PALM2AKAP2: variants seen among roughly 807,000 people sequenced by gnomAD.
PALM2AKAP2 encodes PALM2 and AKAP2 fusion.
A neutral mutation model predicts 71.5 loss-of-function variants in PALM2AKAP2; 37 were observed. The ratio of observed to expected loss-of-function variants is 0.52; its 90% CI spans 0.40 to 0.68. PALM2AKAP2 has a LOEUF of 0.68. PALM2AKAP2 is among the 30% of genes least tolerant of loss of function. The pLI, the probability that PALM2AKAP2 is intolerant of heterozygous loss-of-function variation, is 0.00. For synonymous variants in PALM2AKAP2, 468 were observed against 478.8 expected (o/e 0.98, Z 0.29); for missense variants, 1,224 against 1,191.8 (o/e 1.03, Z -0.40).
At chr9:109,767,558 T>A (rs1829173919) in intron 1 of PALM2AKAP2, among the ~76,000 whole-genome samples, 1 of 152,206 alleles carries the variant, frequency 6.6e-6, no homozygotes, top group Non-Finnish European at 1.5e-5. Context: ...TGTAAATACA[T>A]TACTTTGCAG....
At chr9:109,903,371 C>T (rs1353866734) in intron 3 of PALM2AKAP2, among the ~76,000 whole-genome samples, 1 of 152,002 alleles carries the variant, frequency 6.6e-6, no homozygotes, top group Admixed American at 6.6e-5. Flanking sequence ...TTTGGGGACA[C>T]TTACTGCAAC....
At chr9:109,995,937 T>A (rs1243036762) in intron 6 of PALM2AKAP2, among the ~76,000 whole-genome samples, 2 of 152,182 alleles carry the variant, frequency 1.3e-5, no homozygotes, top group Non-Finnish European at 2.9e-5. Context: ...ATACTGCAGG[T>A]CCCAGCTTCT....
rs372560725 is a variant in PALM2AKAP2, at chr9:110,140,803, T to C, written c.2569+2264T>C. On this transcript the variant is annotated intron_variant, in intron 2 of 3. Transcript: ENST00000374525. ...TCACCAACACCCTCCTTACCCTCCC[T>C]GGGCTCCAACACTACAGCAGGTACC... is the stretch of plus-strand genomic sequence containing the variant. 3.9e-5 allele frequency among the ~76,000 whole-genome samples: 6 copies of C among 152,284 alleles called. No homozygotes were observed. In the East Asian group the frequency reaches 1.2e-3, roughly 29 times the overall value.
chr9:109,766,670 AG>A (rs1489485575), intron 1 of PALM2AKAP2, among the ~76,000 whole-genome samples: 1 of 152,232 alleles, frequency 6.6e-6, no homozygotes, highest in Non-Finnish European at 1.5e-5. Context: ...CGGATTACAA[AG>A]ACTCTGATGT....
intron 1 of PALM2AKAP2, among the ~76,000 whole-genome samples, chr9:110,122,467 A>G (rs1370879001): frequency 6.6e-6 from 1 of 152,086 alleles, no homozygotes; most frequent in Non-Finnish European, 1.5e-5. Context: ...TCTGTTCCTA[A>G]CCAGCGGGAT....
chr9:109,742,383 C>A (rs967986684), intron 1 of PALM2AKAP2, among the ~76,000 whole-genome samples: 6 of 151,936 alleles, frequency 3.9e-5, no homozygotes, highest in Non-Finnish European at 2.9e-5. Flanking sequence ...AAAAGCCAAG[C>A]CTCAGAAGAA....
chr9:109,790,509 G>A (rs1274999255), intron 1 of PALM2AKAP2, among the ~76,000 whole-genome samples: 1 of 152,150 alleles, frequency 6.6e-6, no homozygotes, highest in African/African-American at 2.4e-5. Flanking sequence ...TTCTTTGTCT[G>A]TGTTTGAGTG....
chr9:109,730,090 G>A (rs1322272), intron 1 of PALM2AKAP2, among the ~76,000 whole-genome samples: 40,890 of 152,046 alleles, frequency 0.27, 5,793 homozygotes, highest in East Asian at 0.37. Flanking sequence ...TTTGGAACTG[G>A]GTGTTCAAGA....
At chr9:109,952,131 AGCTC>A (rs1318103008) in intron 6 of PALM2AKAP2, among the ~76,000 whole-genome samples, 3 of 152,236 alleles carry the variant, frequency 2.0e-5, no homozygotes, top group Non-Finnish European at 4.4e-5. Context: ...ACAACTACTC[AGCTC>A]TGCTGCAAAG....
intron 2 of PALM2AKAP2, among the ~76,000 whole-genome samples, chr9:109,872,556 C>T (rs1042485671): frequency 1.4e-4 from 22 of 152,098 alleles, no homozygotes; most frequent in African/African-American, 5.1e-4. Flanking sequence ...TATTCATGAG[C>T]GGGGAACCCT....
At chr9:109,689,371 T>C (rs1827849868) in intron 1 of PALM2AKAP2, among the ~76,000 whole-genome samples, 1 of 151,926 alleles carries the variant, frequency 6.6e-6, no homozygotes, top group African/African-American at 2.4e-5. Context: ...AGCTAATTTT[T>C]GTATTTCTGG....
intron 6 of PALM2AKAP2, among the ~76,000 whole-genome samples, chr9:109,981,807 A>G (rs1832276970): frequency 6.6e-6 from 1 of 152,188 alleles, no homozygotes; most frequent in African/African-American, 2.4e-5. Context: ...ACGCAATAAC[A>G]AATGCCGGCA....
chr9:109,756,292 A>G (rs190464796), intron 1 of PALM2AKAP2, among the ~76,000 whole-genome samples: 1 of 152,188 alleles, frequency 6.6e-6, no homozygotes, highest in Admixed American at 6.5e-5. Context: ...TGTGAAATGA[A>G]CATTTCTCTC....
intron 2 of PALM2AKAP2, among the ~76,000 whole-genome samples, chr9:110,139,611 T>C (rs1203127654): frequency 1.3e-5 from 2 of 151,936 alleles, no homozygotes; most frequent in Non-Finnish European, 2.9e-5. Flanking sequence ...TTGTTGACAC[T>C]TATCTTGGTC....
chr9:110,004,260 G>C (rs13288767), intron 6 of PALM2AKAP2, among the ~76,000 whole-genome samples: 3 of 152,064 alleles, frequency 2.0e-5, no homozygotes, highest in Non-Finnish European at 4.4e-5. Flanking sequence ...GCTTGTCTGT[G>C]AAGTATTTTA....
chr9:110,072,063 T>C (rs1834218343), intron 1 of PALM2AKAP2, among the ~76,000 whole-genome samples: 1 of 152,168 alleles, frequency 6.6e-6, no homozygotes, highest in South Asian at 2.1e-4. Flanking sequence ...CTTCCCAAAA[T>C]TTTTCTCTGA....
chr9:110,118,758 C>T (rs529397340), intron 1 of PALM2AKAP2, among the ~76,000 whole-genome samples: 1 of 152,184 alleles, frequency 6.6e-6, no homozygotes, highest in Non-Finnish European at 1.5e-5. Flanking sequence ...CACCTGATGT[C>T]CAGTGACTCC....
At chr9:109,658,679 G>A (rs1323969548) in intron 1 of PALM2AKAP2, among the ~76,000 whole-genome samples, 1 of 152,134 alleles carries the variant, frequency 6.6e-6, no homozygotes, top group East Asian at 1.9e-4. Context: ...AGGGCAAAAG[G>A]CACATCTTAC....
intron 7 of PALM2AKAP2, among the ~76,000 whole-genome samples, chr9:110,043,020 T>A (rs1172282512): frequency 2.0e-5 from 3 of 152,168 alleles, no homozygotes; most frequent in Non-Finnish European, 2.9e-5. Flanking sequence ...TTTTTTGGTA[T>A]CCATTAATCA....
Sources: gnomAD v4.1 joint callset for allele counts (sites outside exome capture counted in the v4.1 genomes callset) on GRCh38, gnomAD v4.1.1 for gene constraint, MANE v1.5 for transcripts, NCBI Gene and HGNC (gene_info 2026-07-23, HGNC 2026-07-21) for gene names.